Variants in L3MBTL3 observed in about 807,000 individuals in gnomAD.
The protein encoded by L3MBTL3 is L3MBTL histone methyl-lysine binding protein 3.
Under a neutral mutation model 102.3 loss-of-function variants are expected in L3MBTL3, and 27 were observed. That is an observed-to-expected ratio of 0.26 (90% CI 0.19 to 0.36). The LOEUF (loss-of-function observed/expected upper bound fraction) is 0.36. L3MBTL3 is among the 10% of genes least tolerant of loss of function. The pLI is 1.00. For synonymous variants in L3MBTL3, 340 were observed against 320.9 expected (o/e 1.06, Z -0.64); for missense variants, 798 against 955.3 (o/e 0.84, Z 2.17).
intron 3 of L3MBTL3, among the ~76,000 whole-genome samples, chr6:130,046,255 A>G (rs1017261289): frequency 2.0e-5 from 3 of 152,226 alleles, no homozygotes; most frequent in African/African-American, 7.2e-5. Context: ...TGCCTGCAGT[A>G]GCAGGCAGAG....
chr6:130,108,590 A>C (rs796402535), intron 19 of L3MBTL3, among the ~76,000 whole-genome samples: 59 of 151,890 alleles, frequency 3.9e-4, no homozygotes, highest in African/African-American at 1.4e-3. Context: ...GTTTCATTAT[A>C]TGTCTTTTAT....
rs1430717859 is a variant in L3MBTL3, at chr6:130,140,911, C to T, written c.*1158C>T. The T allele has an allele frequency of 2.0e-5, 3 of 152,540 alleles. No homozygotes were observed. Among genetic ancestry groups the T allele is most frequent in the African/African-American group, 4.8e-5 (2 of 41,422 alleles). The allele number at this position is 152,540 out of a possible 1,614,324, so 9.4% of individuals were successfully genotyped here. On this transcript the variant is annotated 3_prime_UTR_variant, in exon 23 of 23. Coordinates refer to ENST00000361794, the MANE Select transcript of L3MBTL3 (RefSeq NM_032438.4). ...CCCAAAGTAATTGCCCAAGAACCTC[C>T]GTTTTGGAAGGATTCCTTTTTCTGT...
intron 2 of L3MBTL3, among the ~76,000 whole-genome samples, chr6:130,030,359 T>C (rs1584278558): frequency 6.6e-6 from 1 of 151,946 alleles, no homozygotes; most frequent in South Asian, 2.1e-4. Context: ...GCTAGTAAAT[T>C]GTGAAGCTAA....
chr6:130,042,577 G>A, intron 2 of L3MBTL3, 108 bp from the exon 3 acceptor site: 1 of 629,662 alleles, frequency 1.6e-6, no homozygotes, highest in Admixed American at 2.6e-5. Flanking sequence ...ATGGGATATT[G>A]TGATCAAGAA....
At chr6:130,094,134 T>A in intron 17 of L3MBTL3, 131 bp from the exon 18 acceptor site, 1 of 537,132 alleles carries the variant, frequency 1.9e-6, no homozygotes, top group Non-Finnish European at 3.2e-6. Context: ...CTTTTTCTGT[T>A]TATGTATGTT....
intron 19 of L3MBTL3, among the ~76,000 whole-genome samples, chr6:130,115,467 T>G (rs1281894509): frequency 6.6e-6 from 1 of 152,244 alleles, no homozygotes; most frequent in African/African-American, 2.4e-5. Context: ...CAATATTTTT[T>G]AACAGACTGG....
intron 8 of L3MBTL3, among the ~76,000 whole-genome samples, chr6:130,056,315 C>T (rs1456147029): frequency 6.6e-6 from 1 of 152,044 alleles, no homozygotes; most frequent in Non-Finnish European, 1.5e-5. Flanking sequence ...TAGTATTTGT[C>T]TTGATGTACT....
At chr6:130,026,892 G>A (rs905895371) in intron 2 of L3MBTL3, among the ~76,000 whole-genome samples, 1 of 152,124 alleles carries the variant, frequency 6.6e-6, no homozygotes, top group African/African-American at 2.4e-5. Flanking sequence ...CTAAAGCCAG[G>A]ATTGTAAAAG....
intron 20 of L3MBTL3, among the ~76,000 whole-genome samples, chr6:130,127,168 A>G (rs75203575): frequency 0.022 from 3,360 of 152,274 alleles, 119 homozygotes; most frequent in African/African-American, 0.076. Flanking sequence ...CTCTCTGAGC[A>G]TGGTGATGAC....
At chr6:130,019,111 A>C (rs1778750320) in intron 1 of L3MBTL3, among the ~76,000 whole-genome samples, 1 of 151,244 alleles carries the variant, frequency 6.6e-6, no homozygotes, top group Non-Finnish European at 1.5e-5. Flanking sequence ...CGTTGGGCTC[A>C]GGCTGGCGCG....
chr6:130,136,023 C>T (rs1787616713), intron 22 of L3MBTL3, among the ~76,000 whole-genome samples: 1 of 152,148 alleles, frequency 6.6e-6, no homozygotes. Flanking sequence ...TTACACATGC[C>T]ACATCTCATC....
chr6:130,128,808 T>C (rs997020552), intron 20 of L3MBTL3, among the ~76,000 whole-genome samples: 2 of 151,908 alleles, frequency 1.3e-5, no homozygotes, highest in African/African-American at 4.8e-5. Context: ...CTCCTTGGAG[T>C]GTTTTGTGGT....
intron 14 of L3MBTL3, among the ~76,000 whole-genome samples, chr6:130,081,172 T>C (rs924728418): frequency 1.3e-5 from 2 of 152,254 alleles, no homozygotes; most frequent in Non-Finnish European, 2.9e-5. Flanking sequence ...ATCCAAATTA[T>C]ACATTAATGC....
chr6:130,060,950 G>C (rs1781855078), intron 10 of L3MBTL3, among the ~76,000 whole-genome samples: 1 of 151,968 alleles, frequency 6.6e-6, no homozygotes, highest in African/African-American at 2.4e-5. Context: ...TTGTGAACTT[G>C]TAAGAAAGTT....
intron 2 of L3MBTL3, among the ~76,000 whole-genome samples, chr6:130,026,812 A>G (rs1200168298): frequency 6.6e-6 from 1 of 152,130 alleles, no homozygotes; most frequent in African/African-American, 2.4e-5. Context: ...ATATATATAT[A>G]AAGCATCAAT....
intron 15 of L3MBTL3, 82 bp from the exon 16 acceptor site, chr6:130,086,058 T>TTTC (rs556837502): frequency 7.1e-6 from 7 of 991,862 alleles, no homozygotes; most frequent in East Asian, 2.4e-5. Context: ...TGGCCAGCTT[T>TTTC]TTCTTCTTCT....
intron 2 of L3MBTL3, among the ~76,000 whole-genome samples, chr6:130,038,334 G>T (rs1780189660): frequency 6.6e-6 from 1 of 151,654 alleles, no homozygotes; most frequent in African/African-American, 2.4e-5. Flanking sequence ...ATTTTTTTGA[G>T]GATCCTCCAT....
intron 7 of L3MBTL3, 34 bp downstream of exon 7, chr6:130,053,025 G>A (rs1781205363): frequency 2.0e-6 from 3 of 1,527,752 alleles, no homozygotes; most frequent in Admixed American, 1.7e-5. Context: ...GGAGCACAGG[G>A]ATGCATCTTT....
chr6:130,129,588 G>A (rs747275356), intron 20 of L3MBTL3, among the ~76,000 whole-genome samples: 1 of 152,062 alleles, frequency 6.6e-6, no homozygotes, highest in Non-Finnish European at 1.5e-5. Context: ...AACCAAGTGG[G>A]GCAAGTGAGA....
Sources: gnomAD v4.1 joint callset for allele counts (sites outside exome capture counted in the v4.1 genomes callset) on GRCh38, gnomAD v4.1.1 for gene constraint, MANE v1.5 for transcripts, NCBI Gene and HGNC (gene_info 2026-07-23, HGNC 2026-07-21) for gene names.